WDSUB1: variants seen among roughly 807,000 people sequenced by gnomAD.
WDSUB1 encodes the protein WD repeat, SAM and U-box domain-containing protein 1.
In WDSUB1, 49 loss-of-function variants were observed where a neutral mutation model predicts 53.9. The observed-to-expected ratio is 0.91, with a 90% confidence interval of 0.72 to 1.15. WDSUB1 has a LOEUF of 1.15. Ranked by LOEUF, WDSUB1 falls within the 50% of genes most tolerant of loss-of-function variation. The pLI, the probability that WDSUB1 is intolerant of heterozygous loss-of-function variation, is 0.00. For synonymous variants in WDSUB1, 194 were observed against 200.6 expected, an observed-to-expected ratio of 0.97 and a Z score of 0.28; for missense variants, 514 against 562.0, an observed-to-expected ratio of 0.91 and a Z score of 0.86.
At chr2:159,261,125 T>TCA (rs2061179016) in intron 5 of WDSUB1, among the ~76,000 whole-genome samples, 1 of 151,530 alleles carries the variant, frequency 6.6e-6, no homozygotes, top group Non-Finnish European at 1.5e-5. Flanking sequence ...ATCAAAATAT[T>TCA]CAAGAAAAAC....
rs1157927583 is a variant in WDSUB1, at chr2:159,257,820, G to A, written c.890C>T (p.Ala297Val). Residue 297 changes from alanine (A) to valine (V), a missense_variant, in exon 8 of 11, where the codon GCT becomes GTT. Physicochemically the swap from Ala to Val is moderately conservative, Grantham distance 64. Transcript: ENST00000359774. Reference protein sequence around the residue: ...CAFAPNTLLLATGSMDKTVNI... With the variant: ...CAFAPNTLLLVTGSMDKTVNI... ...CACTGTTTTGTCCATTGAACCAGTA[G>A]CAAGTAAAAGGGTATTAGGTGCAAA... 11 of 1,614,078 alleles carry A rather than the reference G, an allele frequency of 6.8e-6. No homozygotes were observed. The highest frequency in any genetic ancestry group is 9.3e-6 in the Non-Finnish European group (11 of 1,180,044).
At chr2:159,279,500 C>A (rs2061606842) in intron 3 of WDSUB1, among the ~76,000 whole-genome samples, 1 of 152,040 alleles carries the variant, frequency 6.6e-6, no homozygotes, top group Non-Finnish European at 1.5e-5. Flanking sequence ...ATTTGAGCCA[C>A]CCCCTGCATA....
chr2:159,242,048 C>T (rs1471303151), intron 10 of WDSUB1, among the ~76,000 whole-genome samples: 5 of 145,474 alleles, frequency 3.4e-5, no homozygotes, highest in African/African-American at 1.1e-4. Context: ...TAAACAAAAG[C>T]AACTTTTATT....
intron 5 of WDSUB1, among the ~76,000 whole-genome samples, chr2:159,269,891 A>T (rs564347973): frequency 6.9e-4 from 105 of 152,278 alleles, no homozygotes; most frequent in African/African-American, 2.4e-3. Flanking sequence ...TCTCCCCAAA[A>T]CCTACAATGA....
chr2:159,285,572 G>A (rs1034921958), intron 1 of WDSUB1, among the ~76,000 whole-genome samples: 63 of 152,188 alleles, frequency 4.1e-4, no homozygotes, highest in African/African-American at 1.5e-3. Context: ...TGGGTGTGGT[G>A]GCGAGCACCT....
intron 10 of WDSUB1, among the ~76,000 whole-genome samples, chr2:159,247,912 TATATATATATATATAA>T (rs1553626861): frequency 2.8e-5 from 2 of 72,224 alleles, no homozygotes; most frequent in East Asian, 7.6e-4. Flanking sequence ...TATATATAAA[TATATATATATATATAA>T]ATATATATAT....
intron 2 of WDSUB1, 49 bp downstream of exon 2, chr2:159,282,623 G>A: frequency 6.5e-7 from 1 of 1,547,348 alleles, no homozygotes; most frequent in Non-Finnish European, 8.8e-7. Flanking sequence ...TTTTTTTTAA[G>A]TACACCTAGT....
At chr2:159,268,543 C>T (rs2061388641) in intron 5 of WDSUB1, among the ~76,000 whole-genome samples, 1 of 152,150 alleles carries the variant, frequency 6.6e-6, no homozygotes, top group Non-Finnish European at 1.5e-5. Flanking sequence ...GAACCATCAG[C>T]CTTAGTCCAG....
intron 9 of WDSUB1, among the ~76,000 whole-genome samples, chr2:159,253,232 G>A (rs766517206): frequency 1.3e-4 from 20 of 152,168 alleles, no homozygotes; most frequent in Non-Finnish European, 2.4e-4. Flanking sequence ...CATAGCAAAT[G>A]TCTTAAGACA....
chr2:159,278,893 G>C (rs920226991), intron 3 of WDSUB1, among the ~76,000 whole-genome samples: 2 of 152,172 alleles, frequency 1.3e-5, no homozygotes, highest in African/African-American at 4.8e-5. Context: ...ATAGGGCAGT[G>C]ACTGGCCATA....
chr2:159,242,019 C>T (rs908289112), intron 10 of WDSUB1, among the ~76,000 whole-genome samples: 12 of 147,240 alleles, frequency 8.1e-5, no homozygotes, highest in Non-Finnish European at 4.4e-5. Context: ...CTCTGATACA[C>T]TGTTTGATAC....
intron 10 of WDSUB1, 46 bp downstream of exon 10, chr2:159,248,326 T>G (rs201306920): frequency 1.2e-4 from 192 of 1,590,010 alleles, no homozygotes; most frequent in Middle Eastern, 1.9e-4. Flanking sequence ...TTTTTATTCA[T>G]TTAGCACAAA....
chr2:159,268,870 T>C (rs2061394708), intron 5 of WDSUB1, among the ~76,000 whole-genome samples: 1 of 151,970 alleles, frequency 6.6e-6, no homozygotes, highest in African/African-American at 2.4e-5. Flanking sequence ...AAATAGGAAT[T>C]CTAGGACCAA....
chr2:159,255,917 C>G (rs982005858), intron 9 of WDSUB1, among the ~76,000 whole-genome samples: 1 of 152,054 alleles, frequency 6.6e-6, no homozygotes, highest in African/African-American at 2.4e-5. Flanking sequence ...AAAAAGACAA[C>G]CCAGTTTAAA....
chr2:159,256,244 C>T lies in WDSUB1; in HGVS notation c.1084G>A (p.Glu362Lys), dbSNP rs763178479. Residue 362 changes from glutamate (E) to lysine (K), a missense_variant, in exon 9 of 11, where the codon GAA becomes AAA. Glu to Lys is a moderately conservative substitution (Grantham distance 56). Coordinates refer to ENST00000359774, the MANE Select transcript of WDSUB1 (RefSeq NM_001128212.3). ...IFKMNNIDGK[E>K]LLNLTKESLA... ...CTTTCTTTTGTAAGATTCAACAGTT[C>T]TTTTCCATCAATGTTATTCATCTTG... is the stretch of plus-strand genomic sequence containing the variant. The T allele has an allele frequency of 6.2e-7, 1 of 1,609,656 alleles. No individual in the cohort carries two copies. Among genetic ancestry groups the T allele is most frequent in the Non-Finnish European group, 8.5e-7 (1 of 1,178,796 alleles).
In WDSUB1 at chr2:159,283,007, G is replaced by C; in HGVS notation, c.63C>G (p.Ser21=). The change falls in exon 2 of 11, where the codon TCC becomes TCG. Residue 21 remains serine (S), a synonymous_variant. Coordinates refer to ENST00000359774, the MANE Select transcript of WDSUB1 (RefSeq NM_001128212.3). ...HGDDVNCCAF[S]FSLLATCSLD... ...AGGAGCAAGTAGCCAAGAGGGAAAAGGAGAAGGCACAGCAGTTGACATCGT... is the reference window on the plus strand; with the variant it reads ...AGGAGCAAGTAGCCAAGAGGGAAAACGAGAAGGCACAGCAGTTGACATCGT... 1.9e-6 allele frequency: 3 copies of C among 1,614,210 alleles called. No individual in the cohort carries two copies. The highest frequency in any genetic ancestry group is 2.5e-6 in the Non-Finnish European group (3 of 1,180,028).
intron 10 of WDSUB1, among the ~76,000 whole-genome samples, chr2:159,247,082 TAATA>T (rs1219140605): frequency 2.6e-5 from 4 of 152,220 alleles, no homozygotes; most frequent in Admixed American, 6.5e-5. Flanking sequence ...GATTCACTTT[TAATA>T]AATCAACTGC....
In WDSUB1 at chr2:159,253,359, C is replaced by CACAAT. The variant is rs201540319; in HGVS notation, c.1132+2836_1132+2837insATTGT. Among the ~76,000 whole-genome samples, 932 of 152,252 alleles carry CACAAT rather than the reference C, an allele frequency of 6.1e-3. 19 individuals carry two copies. In the East Asian group the frequency reaches 0.1, roughly 17 times the overall value. On this transcript the variant is annotated intron_variant, in intron 9 of 10. Transcript: ENST00000359774. ...TAACTAAAGCTGTACGTCTATTGTA[C>CACAAT]CCTAGGCTTCCATTAACACAATCCT...
At position 159,236,776 on chromosome 2, in the gene WDSUB1, G is replaced by T. The variant is rs561305942; in HGVS notation, c.1274-586C>A. ...AAGTAGCTGGGATCACAGGCACCTG[G>T]TACCACATCTGGCTAATGTTTTGTA... On this transcript the variant is annotated intron_variant, in intron 10 of 10. Transcript: ENST00000359774. Among the ~76,000 whole-genome samples the T allele has an allele frequency of 2.0e-5, 3 of 152,178 alleles. No individual in the cohort carries two copies. The South Asian group carries it at 6.2e-4, about 32-fold the overall frequency.
Sources: gnomAD v4.1 joint callset for allele counts (sites outside exome capture counted in the v4.1 genomes callset) on GRCh38, gnomAD v4.1.1 for gene constraint, MANE v1.5 for transcripts, NCBI Gene and HGNC (gene_info 2026-07-23, HGNC 2026-07-21) for gene names.